The following PRKAR1B variants were observed in gnomAD, a reference collection of about 807,000 sequenced individuals.
PRKAR1B encodes the protein protein kinase cAMP-dependent type I regulatory subunit beta, also known as cAMP-dependent protein kinase type I-beta regulatory subunit.
In PRKAR1B, 22 loss-of-function variants were observed where a neutral mutation model predicts 46.5. The observed-to-expected ratio is 0.47, with a 90% CI of 0.34 to 0.68. The LOEUF (loss-of-function observed/expected upper bound fraction) is 0.68, where lower values mean the gene tolerates loss of function less well. Ranked by LOEUF, PRKAR1B falls within the 30% of genes least tolerant of loss-of-function variation. The pLI is 0.01. For synonymous variants in PRKAR1B, 259 were observed against 217.7 expected (o/e 1.19, Z -1.67); for missense variants, 445 against 535.6 (o/e 0.83, Z 1.67).
chr7:682,536 G>C (rs1778748535), intron 2 of PRKAR1B, among the ~76,000 whole-genome samples: 1 of 152,100 alleles, frequency 6.6e-6, no homozygotes, highest in Admixed American at 6.5e-5. Flanking sequence ...ACGAGGTCAG[G>C]AGATCGAGAC....
At chr7:691,693 G>T (rs1779436776) in intron 2 of PRKAR1B, 1 of 1,274,740 alleles carries the variant, frequency 7.8e-7, no homozygotes, top group Middle Eastern at 3.2e-4. Flanking sequence ...ACCTCACACG[G>T]TCAAAAGCAG....
intron 2 of PRKAR1B, among the ~76,000 whole-genome samples, chr7:705,548 G>A (rs143941077): frequency 1.3e-5 from 2 of 152,134 alleles, no homozygotes; most frequent in African/African-American, 2.4e-5. Context: ...TTACTCAAGT[G>A]AAATAAAAAC....
At chr7:664,256 C>T (rs1217914934) in intron 4 of PRKAR1B, among the ~76,000 whole-genome samples, 5 of 152,178 alleles carry the variant, frequency 3.3e-5, no homozygotes, top group Non-Finnish European at 7.3e-5. Flanking sequence ...CCATGGCGTC[C>T]GTCGGAATGT....
intron 2 of PRKAR1B, among the ~76,000 whole-genome samples, chr7:699,782 C>T (rs1251496450): frequency 6.6e-6 from 1 of 152,106 alleles, no homozygotes. Flanking sequence ...AGGAGCCAGA[C>T]CCCGTGAGGC....
intron 9 of PRKAR1B, among the ~76,000 whole-genome samples, chr7:574,429 G>C (rs905485988): frequency 6.6e-6 from 1 of 152,076 alleles, no homozygotes; most frequent in African/African-American, 2.4e-5. Flanking sequence ...GATTTTTAAA[G>C]AGAATTAACA....
intron 5 of PRKAR1B, among the ~76,000 whole-genome samples, chr7:606,715 T>C (rs1332747843): frequency 2.0e-5 from 3 of 152,090 alleles, no homozygotes; most frequent in Non-Finnish European, 4.4e-5. Context: ...CCCAAAGTGC[T>C]GGGATTACAG....
chr7:581,227 C>T (rs1412935806), intron 8 of PRKAR1B, among the ~76,000 whole-genome samples: 12 of 149,472 alleles, frequency 8.0e-5, no homozygotes, highest in Non-Finnish European at 1.8e-4. Context: ...GGCGTGAACC[C>T]GGGAGGCGGA....
intron 1 of PRKAR1B, among the ~76,000 whole-genome samples, chr7:715,477 C>T (rs1259284156): frequency 1.3e-5 from 2 of 152,040 alleles, no homozygotes; most frequent in African/African-American, 4.8e-5. Flanking sequence ...GCAGCTATGC[C>T]CTCAACTGAA....
chr7:607,421 G>A lies in PRKAR1B; in HGVS notation c.472C>T (p.His158Tyr). 5 of 1,614,032 alleles carry A rather than the reference G, an allele frequency of 3.1e-6. No homozygotes were observed. Among genetic ancestry groups the A allele is most frequent in the East Asian group, 2.2e-5 (1 of 44,886 alleles). ...DIFDAMFPVT[H>Y]IAGETVIQQG... ...TGTATAACAGTCTCCCCAGCGATGT[G>A]AGTGACAGGGAACATGGCATCGAAT... is the stretch of plus-strand genomic sequence containing the variant. The change falls in exon 5 of 11, where the codon CAC (histidine) becomes TAC (tyrosine). Residue 158 changes from histidine to tyrosine, a missense_variant. This residue lies in a region of PRKAR1B where 94 missense variants were observed against 126.9 expected (regional missense o/e 0.74). Transcript: ENST00000537384.
chr7:584,443 G>A, intron 8 of PRKAR1B, 65 bp downstream of exon 8: 1 of 1,424,886 alleles, frequency 7.0e-7, no homozygotes, highest in Non-Finnish European at 9.9e-7. Context: ...TGGGGAAGAG[G>A]CCGGGGTGGC....
In PRKAR1B at chr7:677,580, C is replaced by A. The variant is rs1040629432; in HGVS notation, c.349-260G>T. ...TAGCTGGGACCACAGGTATGCACCA[C>A]CACACTTGGCTAACTTTTTTATTTT... On this transcript the variant is annotated intron_variant, in intron 3 of 10. Coordinates refer to ENST00000537384, the MANE Select transcript of PRKAR1B (RefSeq NM_001164760.2). 3.9e-5 allele frequency among the ~76,000 whole-genome samples: 6 copies of A among 152,284 alleles called. No homozygotes were observed. In the South Asian group the frequency reaches 1.2e-3, roughly 32 times the overall value.
intron 6 of PRKAR1B, among the ~76,000 whole-genome samples, chr7:596,546 G>A (rs1033112703): frequency 6.6e-6 from 1 of 152,240 alleles, no homozygotes; most frequent in African/African-American, 2.4e-5. Flanking sequence ...TCCACAGCAG[G>A]AGGGCCCAGC....
chr7:702,901 A>G (rs960076384), intron 2 of PRKAR1B, among the ~76,000 whole-genome samples: 7 of 151,842 alleles, frequency 4.6e-5, no homozygotes, highest in South Asian at 2.1e-4. Flanking sequence ...TATATATACT[A>G]TATGTACTAC....
intron 4 of PRKAR1B, among the ~76,000 whole-genome samples, chr7:624,510 A>T (rs1333835768): frequency 6.6e-6 from 1 of 152,196 alleles, no homozygotes; most frequent in African/African-American, 2.4e-5. Context: ...AGCAATTTTT[A>T]AAATATATAA....
chr7:582,831 G>C (rs995474382), intron 8 of PRKAR1B, among the ~76,000 whole-genome samples: 1 of 152,268 alleles, frequency 6.6e-6, no homozygotes, highest in Non-Finnish European at 1.5e-5. Context: ...CCAGACGGGC[G>C]GCAGAGGCCC....
At chr7:698,617 C>T (rs1779897805) in intron 2 of PRKAR1B, among the ~76,000 whole-genome samples, 1 of 151,906 alleles carries the variant, frequency 6.6e-6, no homozygotes, top group African/African-American at 2.4e-5. Flanking sequence ...TAGTTAAGTA[C>T]ATGTGTGAGC....
At chr7:673,075 A>AAAAG (rs1786370429) in intron 4 of PRKAR1B, among the ~76,000 whole-genome samples, 1 of 142,084 alleles carries the variant, frequency 7.0e-6, no homozygotes, top group Non-Finnish European at 1.5e-5. Context: ...AAAAAAAAAA[A>AAAAG]AAACACACAC....
chr7:614,686 C>T (rs201470079), intron 4 of PRKAR1B, among the ~76,000 whole-genome samples: 1 of 152,162 alleles, frequency 6.6e-6, no homozygotes, highest in East Asian at 1.9e-4. Context: ...CCGAAGCAGG[C>T]AGATCACCTG....
At chr7:671,603 C>G (rs560392320) in intron 4 of PRKAR1B, among the ~76,000 whole-genome samples, 4 of 152,128 alleles carry the variant, frequency 2.6e-5, no homozygotes, top group Admixed American at 2.6e-4. Context: ...GGATTATAGG[C>G]GTGTACCACC....
Sources: gnomAD v4.1 joint callset for allele counts (sites outside exome capture counted in the v4.1 genomes callset) on GRCh38, gnomAD v4.1.1 for gene constraint, gnomAD v4.1.1 regional missense constraint, MANE v1.5 for transcripts, NCBI Gene and HGNC (gene_info 2026-07-23, HGNC 2026-07-21) for gene names.